Variants in CNOT3 observed in about 807,000 individuals in gnomAD.
CNOT3 encodes the protein CCR4-associated factor 3.
In CNOT3, 2 loss-of-function variants were observed where a neutral mutation model predicts 89.4. The observed-to-expected ratio is 0.02, with a 90% CI of 0.01 to 0.07. The LOEUF (loss-of-function observed/expected upper bound fraction) is 0.07. Among genes scored for constraint, CNOT3 ranks in the 10% least tolerant of loss-of-function variants. The pLI, the probability that CNOT3 is intolerant of heterozygous loss-of-function variation, is 1.00. For synonymous variants in CNOT3, 486 were observed against 402.0 expected (o/e 1.21, Z -2.50); for missense variants, 664 against 1,010.2 (o/e 0.66, Z 4.65).
chr19:54,143,309 G>C, intron 3 of CNOT3, 123 bp downstream of exon 3: 1 of 846,264 alleles, frequency 1.2e-6, no homozygotes, highest in Non-Finnish European at 1.8e-6. Context: ...GGACCTAAGA[G>C]AATCAGCTCT....
chr19:54,149,707 C>T lies in CNOT3; in HGVS notation c.1554C>T (p.Ala518=), dbSNP rs757693882. ...PTPSFSDAKA[A]GALLNGPPQF... ...CCAGCTTCAGTGATGCCAAGGCAGC[C>T]GGTGCCCTGCTCAATGGGCCTCCAC... Residue 518 remains alanine, a synonymous_variant, in exon 13 of 18, where the codon GCC becomes GCT. Coordinates refer to ENST00000221232, the MANE Select transcript of CNOT3 (RefSeq NM_014516.4). 9.3e-6 allele frequency: 15 copies of T among 1,613,872 alleles called. No homozygotes were observed. The highest frequency in any genetic ancestry group is 1.3e-5 in the Non-Finnish European group (15 of 1,179,944).
intron 17 of CNOT3, chr19:54,154,551 C>T (rs967582767): frequency 1.2e-5 from 2 of 162,826 alleles, no homozygotes; most frequent in Admixed American, 1.1e-4. Flanking sequence ...AAATTACTTT[C>T]AGTTGGTGTG....
At chr19:54,149,834 C>A in intron 13 of CNOT3, 76 bp downstream of exon 13, 1 of 1,392,478 alleles carries the variant, frequency 7.2e-7, no homozygotes, top group Non-Finnish European at 9.6e-7. Context: ...CTAGCTGCAC[C>A]CCTTGCCCCC....
intron 13 of CNOT3, among the ~76,000 whole-genome samples, chr19:54,150,041 G>A (rs1258267961): frequency 3.9e-5 from 6 of 151,944 alleles, no homozygotes; most frequent in Admixed American, 3.9e-4. Context: ...CTCTCTCTGG[G>A]TCTCCATCTT....
At chr19:54,152,779 C>G (rs1440300660) in intron 15 of CNOT3, 88 bp from the exon 16 acceptor site, 9 of 846,084 alleles carry the variant, frequency 1.1e-5, no homozygotes, top group Non-Finnish European at 1.8e-5. Context: ...TGTACCACCT[C>G]CCCCCGCAGG....
chr19:54,139,510 C>T (rs1272561868), intron 1 of CNOT3, among the ~76,000 whole-genome samples: 1 of 152,070 alleles, frequency 6.6e-6, no homozygotes, highest in African/African-American at 2.4e-5. Flanking sequence ...GCCTTCTCTC[C>T]AGGGTAAGGA....
chr19:54,139,936 C>G (rs587718535), intron 1 of CNOT3, among the ~76,000 whole-genome samples: 76 of 152,256 alleles, frequency 5.0e-4, no homozygotes, highest in African/African-American at 1.7e-3. Flanking sequence ...CTCTGTGTGG[C>G]CACGTCAGCA....
rs762362067 is a variant in CNOT3 at position 54,153,007 on chromosome 19, AGGGCCCCCGGGGCAGCCTC to A, written c.2037+17_2037+35del. 69 of 1,600,158 alleles carry A rather than the reference AGGGCCCCCGGGGCAGCCTC, an allele frequency of 4.3e-5. No individual in the cohort carries two copies. Among genetic ancestry groups the A allele is most frequent in the African/African-American group, 2.1e-4 (16 of 74,424 alleles). ...ATCTTCTACTATCTGGAGGTACAGC[AGGGCCCCCGGGGCAGCCTC>A]GGGCCCCCCGGCTTCGCCGCCACCG... On this transcript the variant is annotated intron_variant, in intron 16 of 17. Transcript: ENST00000221232.
chr19:54,142,233 A>G (rs1375424367), intron 1 of CNOT3: 1 of 151,762 alleles, frequency 6.6e-6, no homozygotes. Flanking sequence ...CCTTCTTGGT[A>G]TTAGCTTCTT....
At chr19:54,150,692 A>G (rs143906333) in intron 13 of CNOT3, among the ~76,000 whole-genome samples, 35 of 136,020 alleles carry the variant, frequency 2.6e-4, no homozygotes, top group African/African-American at 3.4e-4. Context: ...GGAAACGGCA[A>G]TAGTCACGAT....
In CNOT3 at chr19:54,148,292, G is replaced by A. The variant is rs142721836; in HGVS notation, c.1039G>A (p.Ala347Thr). The change falls in exon 11 of 18, where the codon GCA becomes ACA. Residue 347 changes from alanine (A) to threonine (T), a missense_variant. Coordinates refer to ENST00000221232, the MANE Select transcript of CNOT3 (RefSeq NM_014516.4). This position sits in a 1 kb window ranked among gnomAD's most constrained non-coding sequence, Gnocchi z 6.3. ...TGGCAACAATGGGGTCCCCGCCCCC[G>A]CAGCACCCCCAAGTGCCCTGGGCCC... ...TPGNNGVPAP[A>T]APPSALGPKA... 2.3e-5 allele frequency: 37 copies of A among 1,606,962 alleles called. No homozygotes were observed. The Admixed American group carries it at 3.5e-4, about 15-fold the overall frequency.
chr19:54,143,193 G>C lies in CNOT3; in HGVS notation c.93+7G>C. On this transcript the variant is annotated splice_region_variant and intron_variant, in intron 3 of 17. Coordinates refer to ENST00000221232, the MANE Select transcript of CNOT3 (RefSeq NM_014516.4). ...TGAAGATATTTGGCAGAAGGTACAGGGGCTGAGACCCTAATAATCTGGGTC... is the reference window on the plus strand; with the variant it reads ...TGAAGATATTTGGCAGAAGGTACAGCGGCTGAGACCCTAATAATCTGGGTC... 2 of 1,612,192 alleles carry C rather than the reference G, an allele frequency of 1.2e-6. No homozygotes were observed. Among genetic ancestry groups the C allele is most frequent in the Non-Finnish European group, 1.7e-6 (2 of 1,178,490 alleles).
At chr19:54,155,219 C>G in intron 17 of CNOT3, 90 bp from the exon 18 acceptor site, 1 of 1,536,256 alleles carries the variant, frequency 6.5e-7, no homozygotes, top group Non-Finnish European at 8.8e-7. Flanking sequence ...ACATCCACAG[C>G]CCTAAGAATT....
chr19:54,146,618 T>A lies in CNOT3; in HGVS notation c.855T>A (p.Asp285Glu). The A allele has an allele frequency of 6.4e-7, 1 of 1,555,212 alleles. No individual in the cohort carries two copies. Among genetic ancestry groups the A allele is most frequent in the Non-Finnish European group, 8.9e-7 (1 of 1,126,414 alleles). Residue 285 changes from aspartate to glutamate, a missense_variant, in exon 10 of 18, where the codon GAT (aspartate) becomes GAA (glutamate). Physicochemically the swap from Asp to Glu is conservative, Grantham distance 45 (BLOSUM62 2). Transcript: ENST00000221232. ...ANCTTENSEDDKKRGRSTDSE... is the reference protein window; with the variant it reads ...ANCTTENSEDEKKRGRSTDSE... ...TACCTCAGGAAAACTCTGAAGATGA[T>A]AAGAAGAGGGGACGTTCCACAGACA...
intron 4 of CNOT3, 53 bp downstream of exon 4, chr19:54,143,569 G>A: frequency 6.2e-7 from 1 of 1,607,360 alleles, no homozygotes; most frequent in South Asian, 1.1e-5. Flanking sequence ...AGGGAACTGG[G>A]AGAGTGGACT....
At chr19:54,140,512 C>A (rs1174102301) in intron 1 of CNOT3, among the ~76,000 whole-genome samples, 6 of 152,144 alleles carry the variant, frequency 3.9e-5, no homozygotes, top group Admixed American at 3.9e-4. Context: ...CAGGCTCCAG[C>A]TTCCCTTCTC....
Position 54,148,190 on chromosome 19 carries a change from C to A in CNOT3, c.937C>A (p.His313Asn). The change falls in exon 11 of 18, where the codon CAC (histidine) becomes AAC (asparagine). Residue 313 changes from histidine (H) to asparagine (N), a missense_variant. Transcript: ENST00000221232. The surrounding 1 kb of genome is among the most constrained non-coding windows in gnomAD (Gnocchi z 6.3). The stretch of plus-strand genomic sequence containing the variant: ...CTCCAAGCCTGTCCACAGCAACCAG[C>A]ACCCTCAGTCCCCAGCTGTGCCGCC... Reference protein sequence around the residue: ...NGSKPVHSNQHPQSPAVPPTY... With the variant: ...NGSKPVHSNQNPQSPAVPPTY... 4 of 1,568,578 alleles carry A rather than the reference C, an allele frequency of 2.6e-6. No homozygotes were observed. The highest frequency in any genetic ancestry group is 2.4e-5 in the South Asian group (2 of 83,842).
rs1302962194 is a variant in CNOT3, at chr19:54,148,557, T to TG, written c.1282+28dup. ...ACCAGTGAGTGAGGAGGCAGCGGGGTGGGGGGCGTGGGCGGGGCTGGGCAG... is the reference window on the plus strand; with the variant it reads ...ACCAGTGAGTGAGGAGGCAGCGGGGTGGGGGGGCGTGGGCGGGGCTGGGCAG... On this transcript the variant is annotated intron_variant, in intron 11 of 17. Coordinates refer to ENST00000221232, the MANE Select transcript of CNOT3 (RefSeq NM_014516.4). This position sits in a 1 kb window ranked among gnomAD's most constrained non-coding sequence, Gnocchi z 6.3. 4 of 1,296,486 alleles carry TG rather than the reference T, an allele frequency of 3.1e-6. No homozygotes were observed. Among genetic ancestry groups the TG allele is most frequent in the South Asian group, 2.5e-5 (2 of 80,662 alleles). The allele number at this position is 1,296,486 out of a possible 1,614,324, so 80.3% of individuals were successfully genotyped here.
chr19:54,137,964 C>G lies in CNOT3; in HGVS notation c.-80C>G, dbSNP rs1435979527. ...CTCGCCTCCCCCGCCTGTCGCGATA[C>G]GCTCCTCAGCGGCGGCGCCAGCTCC... On this transcript the variant is annotated 5_prime_UTR_variant, in exon 1 of 18. Coordinates refer to ENST00000221232, the MANE Select transcript of CNOT3 (RefSeq NM_014516.4). 1 of 152,130 alleles carries G rather than the reference C, an allele frequency of 6.6e-6. No individual in the cohort carries two copies. Among genetic ancestry groups the G allele is most frequent in the Non-Finnish European group, 1.5e-5 (1 of 67,980 alleles). The allele number at this position is 152,130 out of a possible 1,614,324, so 9.4% of individuals were successfully genotyped here.
Sources: gnomAD v4.1 joint callset for allele counts (sites outside exome capture counted in the v4.1 genomes callset) on GRCh38, gnomAD v4.1.1 for gene constraint, Gnocchi (gnomAD v3.1) non-coding constraint, MANE v1.5 for transcripts, NCBI Gene and HGNC (gene_info 2026-07-23, HGNC 2026-07-21) for gene names.